The following IL1RAPL1 variants were observed in gnomAD, a reference collection of about 807,000 sequenced individuals.
The protein encoded by IL1RAPL1 is interleukin 1 receptor accessory protein like 1.
Under a neutral mutation model 48.4 loss-of-function variants are expected in IL1RAPL1, and 3 were observed. The ratio of observed to expected loss-of-function variants is 0.06; its 90% CI spans 0.03 to 0.16. The LOEUF is 0.16. Among genes scored for constraint, IL1RAPL1 ranks in the 10% least tolerant of loss-of-function variants. The pLI, the probability that IL1RAPL1 is intolerant of heterozygous loss-of-function variation, is 1.00. For synonymous variants in IL1RAPL1, 185 were observed against 187.7 expected (o/e 0.99, Z 0.12); for missense variants, 349 against 530.6 (o/e 0.66, Z 3.36).
intron 2 of IL1RAPL1, among the ~76,000 whole-genome samples, chrX:29,068,398 C>A (rs751095922): frequency 8.9e-6 from 1 of 112,141 alleles, no homozygotes; most frequent in Admixed American, 9.5e-5. Context: ...ACCAGATAGC[C>A]ATTTAAGCAC....
At chrX:29,812,078 G>A (rs1198305836) in intron 6 of IL1RAPL1, among the ~76,000 whole-genome samples, 4 of 111,906 alleles carry the variant, frequency 3.6e-5, no homozygotes, top group African/African-American at 1.3e-4. Context: ...GTAAAAGTTT[G>A]ATAGACAGAT....
At chrX:29,804,230 TTGGCATTTTTTC>T (rs1208851567) in intron 6 of IL1RAPL1, among the ~76,000 whole-genome samples, 1 of 111,100 alleles carries the variant, frequency 9.0e-6, no homozygotes, top group East Asian at 2.8e-4. Flanking sequence ...GTTTGGAGAG[TTGGCATTTTTTC>T]TGGCGTGATC....
chrX:29,478,413 A>G (rs1180693482), intron 5 of IL1RAPL1, among the ~76,000 whole-genome samples: 1 of 111,396 alleles, frequency 9.0e-6, no homozygotes, highest in African/African-American at 3.3e-5. Flanking sequence ...TGCCTCTGTC[A>G]TCCTGTGGCT....
At chrX:29,156,388 TA>T (rs1929570151) in intron 2 of IL1RAPL1, among the ~76,000 whole-genome samples, 1 of 112,070 alleles carries the variant, frequency 8.9e-6, no homozygotes, top group African/African-American at 3.2e-5. Context: ...AACTCTATCA[TA>T]GATCACAGTT....
At chrX:28,834,630 ATTTG>A (rs773600051) in intron 2 of IL1RAPL1, among the ~76,000 whole-genome samples, 8 of 111,555 alleles carry the variant, frequency 7.2e-5, no homozygotes, top group African/African-American at 2.3e-4. Context: ...GACAAGTAAC[ATTTG>A]TTTATGTTCG....
chrX:29,573,653 G>C (rs1922668092), intron 5 of IL1RAPL1, among the ~76,000 whole-genome samples: 1 of 111,948 alleles, frequency 8.9e-6, no homozygotes, highest in Non-Finnish European at 1.9e-5. Context: ...CCCATCACTG[G>C]CATATCTTGG....
intron 5 of IL1RAPL1, among the ~76,000 whole-genome samples, chrX:29,498,868 C>A (rs1602265220): frequency 8.9e-6 from 1 of 111,876 alleles, no homozygotes; most frequent in East Asian, 2.8e-4. Flanking sequence ...TAAAAGCCAA[C>A]TGTTTTTGAG....
intron 1 of IL1RAPL1, among the ~76,000 whole-genome samples, chrX:28,667,390 G>A (rs113253447): frequency 0.016 from 1,792 of 111,952 alleles, 33 homozygotes; most frequent in African/African-American, 0.055. Context: ...ATTGTCAATC[G>A]AATCACTTTG....
intron 2 of IL1RAPL1, among the ~76,000 whole-genome samples, chrX:28,817,216 T>A (rs1450838603): frequency 9.0e-6 from 1 of 110,743 alleles, no homozygotes; most frequent in Non-Finnish European, 1.9e-5. Context: ...AGAAATATAT[T>A]ATAAGCAACA....
intron 2 of IL1RAPL1, among the ~76,000 whole-genome samples, chrX:28,799,006 C>G (rs989905604): frequency 1.8e-5 from 2 of 111,710 alleles, no homozygotes; most frequent in African/African-American, 6.5e-5. Context: ...GTGTTCCTTT[C>G]AACAAAGTAA....
At chrX:29,568,994 G>A (rs1202765118) in intron 5 of IL1RAPL1, among the ~76,000 whole-genome samples, 1 of 111,224 alleles carries the variant, frequency 9.0e-6, no homozygotes, top group Non-Finnish European at 1.9e-5. Context: ...AGGTTTTGTT[G>A]TTACTGAGCT....
At chrX:29,937,487 G>A (rs1251058638) in intron 8 of IL1RAPL1, among the ~76,000 whole-genome samples, 2 of 112,013 alleles carry the variant, frequency 1.8e-5, no homozygotes, top group African/African-American at 6.5e-5. Context: ...GCAATAATAG[G>A]TAGCGCATGT....
intron 3 of IL1RAPL1, among the ~76,000 whole-genome samples, chrX:29,296,993 A>G (rs1349884325): frequency 3.6e-5 from 4 of 111,605 alleles, no homozygotes; most frequent in Admixed American, 1.9e-4. Flanking sequence ...GTTATAAAAT[A>G]AAGACTTAAA....
At chrX:29,481,288 T>G (rs2147746565) in intron 5 of IL1RAPL1, among the ~76,000 whole-genome samples, 1 of 112,854 alleles carries the variant, frequency 8.9e-6, no homozygotes, top group African/African-American at 3.2e-5. Context: ...TATGATAACT[T>G]TAGTCACTAC....
At chrX:28,800,538 A>G (rs760470733) in intron 2 of IL1RAPL1, among the ~76,000 whole-genome samples, 1 of 111,784 alleles carries the variant, frequency 8.9e-6, no homozygotes, top group South Asian at 3.8e-4. Flanking sequence ...ACTAGCCCTG[A>G]AGAGGCTGGC....
intron 2 of IL1RAPL1, among the ~76,000 whole-genome samples, chrX:28,852,306 T>A (rs1044674818): frequency 1.9e-5 from 2 of 107,363 alleles, no homozygotes; most frequent in Admixed American, 2.0e-4. Context: ...TAGCTTAAAA[T>A]ATTTTATTCC....
At chrX:29,871,436 G>A (rs755376155) in intron 6 of IL1RAPL1, among the ~76,000 whole-genome samples, 1 of 112,146 alleles carries the variant, frequency 8.9e-6, no homozygotes, top group African/African-American at 3.2e-5. Flanking sequence ...ATTTTGATAT[G>A]CAACACAGCA....
At chrX:29,551,670 A>G (rs1026439700) in intron 5 of IL1RAPL1, among the ~76,000 whole-genome samples, 3 of 111,610 alleles carry the variant, frequency 2.7e-5, no homozygotes, top group Admixed American at 9.5e-5. Context: ...GCTCATTAAT[A>G]TATTCATCTC....
chrX:29,129,252 A>C (rs989849749), intron 2 of IL1RAPL1, among the ~76,000 whole-genome samples: 5 of 110,455 alleles, frequency 4.5e-5, no homozygotes, highest in African/African-American at 1.6e-4. Flanking sequence ...CATGTTGGTC[A>C]GGCTGGTCTC....
Sources: gnomAD v4.1 joint callset for allele counts (sites outside exome capture counted in the v4.1 genomes callset) on GRCh38, gnomAD v4.1.1 for gene constraint, MANE v1.5 for transcripts, NCBI Gene and HGNC (gene_info 2026-07-23, HGNC 2026-07-21) for gene names.